Variants in NRAS observed in about 807,000 individuals in gnomAD.
NRAS encodes the protein NRAS proto-oncogene, GTPase, also known as GTPase NRas.
A neutral mutation model predicts 21.3 loss-of-function variants in NRAS; 6 were observed. The ratio of observed to expected loss-of-function variants is 0.28; its 90% CI spans 0.15 to 0.56. The LOEUF (loss-of-function observed/expected upper bound fraction) is 0.56. NRAS is among the 20% of genes least tolerant of loss of function. NRAS has a pLI of 0.93. For missense variants in NRAS, 143 were observed against 231.3 expected (o/e 0.62, Z 2.48); for synonymous variants, 84 against 82.0 (o/e 1.02, Z -0.13).
At chr1:114,711,632 A>G (rs930599769) in intron 3 of NRAS, among the ~76,000 whole-genome samples, 1 of 152,000 alleles carries the variant, frequency 6.6e-6, no homozygotes, top group Non-Finnish European at 1.5e-5. Context: ...ACAAACAAAA[A>G]AAACAAACCT....
intron 5 of NRAS, 144 bp downstream of exon 5, chr1:114,708,387 T>A (rs1183753530): frequency 2.6e-6 from 2 of 777,246 alleles, no homozygotes; most frequent in East Asian, 4.9e-5. Flanking sequence ...CTCAGTACTT[T>A]CAGAAAGGGT....
chr1:114,714,049 C>A, intron 2 of NRAS, 71 bp from the exon 3 acceptor site: 2 of 952,448 alleles, frequency 2.1e-6, no homozygotes, highest in Non-Finnish European at 1.6e-6. Context: ...ACAGGGAATG[C>A]AATGCTATTG....
chr1:114,711,635 A>C (rs1049189529), intron 3 of NRAS, among the ~76,000 whole-genome samples: 3 of 152,156 alleles, frequency 2.0e-5, no homozygotes, highest in African/African-American at 7.2e-5. Flanking sequence ...AACAAAAAAA[A>C]CAAACCTAAA....
rs531475097 is a variant in NRAS at position 114,707,316 on chromosome 1, T to C, written c.*778A>G. The C allele has an allele frequency of 6.5e-6, 1 of 152,714 alleles. No homozygotes were observed. Among genetic ancestry groups the C allele is most frequent in the Non-Finnish European group, 1.5e-5 (1 of 68,026 alleles). 9.5% of individuals were successfully genotyped at this position (152,714 alleles called of 1,614,324 possible). A position where few individuals can be genotyped will look rare whatever the true frequency, so the allele number is the denominator to read the frequency against. The stretch of plus-strand genomic sequence containing the variant: ...GTACAAAATGGCATCTGCTCTCAAA[T>C]AGATATAGCTTTCCTTCAATGGTAG... On this transcript the variant is annotated 3_prime_UTR_variant, in exon 7 of 7. Transcript: ENST00000369535.
chr1:114,714,579 T>C (rs1659114798), intron 2 of NRAS, among the ~76,000 whole-genome samples: 1 of 152,138 alleles, frequency 6.6e-6, no homozygotes, highest in Non-Finnish European at 1.5e-5. Context: ...ATAGATCATA[T>C]AAAAAATACT....
chr1:114,713,736 C>T (rs1262309073), intron 3 of NRAS, 64 bp downstream of exon 3: 20 of 1,397,386 alleles, frequency 1.4e-5, no homozygotes, highest in Non-Finnish European at 2.0e-5. Flanking sequence ...GTGGTAACCT[C>T]ATTTCCCCAT....
At chr1:114,716,498 C>T (rs1014386441) in intron 1 of NRAS, among the ~76,000 whole-genome samples, 160 bp downstream of exon 1, 9 of 152,184 alleles carry the variant, frequency 5.9e-5, no homozygotes, top group African/African-American at 2.2e-4. Flanking sequence ...CCCATTCTCC[C>T]TTCTGTCTCC....
intron 2 of NRAS, among the ~76,000 whole-genome samples, chr1:114,715,038 T>G (rs1659125093): frequency 6.6e-6 from 1 of 152,196 alleles, no homozygotes; most frequent in African/African-American, 2.4e-5. Context: ...ATCTATTTAT[T>G]TATTTTTTGA....
At chr1:114,711,183 G>A (rs1400286860) in intron 3 of NRAS, among the ~76,000 whole-genome samples, 2 of 152,114 alleles carry the variant, frequency 1.3e-5, no homozygotes, top group East Asian at 3.9e-4. Flanking sequence ...ACATGTGCCT[G>A]TGGTTCCAGC....
chr1:114,712,495 G>T (rs574595187), intron 3 of NRAS, among the ~76,000 whole-genome samples: 3 of 152,100 alleles, frequency 2.0e-5, no homozygotes, highest in Admixed American at 6.6e-5. Context: ...GAAGAAAAAT[G>T]ACTTCTAGAA....
At chr1:114,713,298 C>T (rs1470148038) in intron 3 of NRAS, among the ~76,000 whole-genome samples, 3 of 152,146 alleles carry the variant, frequency 2.0e-5, no homozygotes, top group East Asian at 1.9e-4. Context: ...CTCTGCCTCC[C>T]GAGTAGCTGC....
chr1:114,710,084 G>A lies in NRAS; in HGVS notation c.291-356C>T, dbSNP rs192027206. Among the ~76,000 whole-genome samples, 79 of 151,484 alleles carry A rather than the reference G, an allele frequency of 5.2e-4. 1 individual carries two copies. In the East Asian group the frequency reaches 0.012, roughly 24 times the overall value. Reference sequence around the variant, plus strand: ...CAGGCGCCTATAGTCCCAGCTACTCGGGAAGCTGAGGCAGGAGAATCGCTT... The same window carrying A: ...CAGGCGCCTATAGTCCCAGCTACTCAGGAAGCTGAGGCAGGAGAATCGCTT... On this transcript the variant is annotated intron_variant, in intron 3 of 6. Coordinates refer to ENST00000369535, the MANE Select transcript of NRAS (RefSeq NM_002524.5).
Position 114,705,222 on chromosome 1 carries a change from T to C in NRAS, c.*2872A>G, listed in dbSNP as rs1658882845. The stretch of plus-strand genomic sequence containing the variant: ...AGCAGTTTAAAGGATGGTGAAAGAC[T>C]AAACATGGGCCCACTAAAATAGAGA... On this transcript the variant is annotated 3_prime_UTR_variant, in exon 7 of 7. Transcript: ENST00000369535. 6.6e-6 allele frequency: 1 copy of C among 152,206 alleles called. No homozygotes were observed. Among genetic ancestry groups the C allele is most frequent in the Non-Finnish European group, 1.5e-5 (1 of 68,020 alleles). 9.4% of individuals were successfully genotyped at this position (152,206 alleles called of 1,614,324 possible).
In NRAS at chr1:114,711,364, G is replaced by A. The variant is rs182233453; in HGVS notation, c.291-1636C>T. Among the ~76,000 whole-genome samples, 13 of 152,026 alleles carry A rather than the reference G, an allele frequency of 8.6e-5. No homozygotes were observed. In the East Asian group the frequency reaches 2.3e-3, roughly 27 times the overall value. ...TGTAATCCCAGCCCTCTGGGAGGCCGAGGCGGGTGGATCACCTGAGGTCAG... is the reference window on the plus strand; with the variant it reads ...TGTAATCCCAGCCCTCTGGGAGGCCAAGGCGGGTGGATCACCTGAGGTCAG... On this transcript the variant is annotated intron_variant, in intron 3 of 6. Coordinates refer to ENST00000369535, the MANE Select transcript of NRAS (RefSeq NM_002524.5).
chr1:114,707,748 C>G lies in NRAS; in HGVS notation c.*346G>C, dbSNP rs9724642. ...AGACACTGTTTTCAATAGAATTTCA[C>G]GTTTGCGGTTTGGTTCTCTGTTTCA... On this transcript the variant is annotated 3_prime_UTR_variant, in exon 7 of 7. Coordinates refer to ENST00000369535, the MANE Select transcript of NRAS (RefSeq NM_002524.5). The G allele has an allele frequency of 1.3e-5, 2 of 152,470 alleles. No individual in the cohort carries two copies. Among genetic ancestry groups the G allele is most frequent in the African/African-American group, 4.8e-5 (2 of 41,374 alleles). 9.4% of individuals were successfully genotyped at this position (152,470 alleles called of 1,614,324 possible). A position where few individuals can be genotyped will look rare whatever the true frequency, so the allele number is the denominator to read the frequency against.
rs2101738866 is a variant in NRAS, at chr1:114,709,675, C to T, written c.344G>A (p.Gly115Glu). The T allele has an allele frequency of 6.2e-7, 1 of 1,613,272 alleles. No individual in the cohort carries two copies. ...CCTTGTTGGCAAATCACACTTGTTT[C>T]CCACTAGCACCATAGGTACATCATC... ...DSDDVPMVLVGNKCDLPTRTV... is the reference protein window; with the variant it reads ...DSDDVPMVLVENKCDLPTRTV... The change falls in exon 4 of 7, where the codon GGA becomes GAA. Residue 115 changes from glycine (G) to glutamate (E), a missense_variant. By Grantham distance (98) the Gly-to-Glu change is moderately conservative. Coordinates refer to ENST00000369535, the MANE Select transcript of NRAS (RefSeq NM_002524.5).
At chr1:114,716,323 T>C in intron 1 of NRAS, 146 bp from the exon 2 acceptor site, 2 of 687,354 alleles carry the variant, frequency 2.9e-6, no homozygotes, top group South Asian at 1.5e-5. Flanking sequence ...ACCGGATTAA[T>C]ATCGGCCTCA....
chr1:114,713,469 T>C (rs1371128664), intron 3 of NRAS, among the ~76,000 whole-genome samples: 1 of 152,178 alleles, frequency 6.6e-6, no homozygotes, highest in African/African-American at 2.4e-5. Context: ...TGGCCTATCT[T>C]TTCCATTACA....
In NRAS at chr1:114,716,124, C is replaced by A. The variant is rs121434595; in HGVS notation, c.37G>T (p.Gly13Cys). 1 of 1,614,046 alleles carries A rather than the reference C, an allele frequency of 6.2e-7. No individual in the cohort carries two copies. The change falls in exon 2 of 7, where the codon GGT becomes TGT. Residue 13 changes from glycine to cysteine, a missense_variant. Gly to Cys is a radical substitution (Grantham distance 159). Transcript: ENST00000369535. The stretch of plus-strand genomic sequence containing the variant: ...ATTGTCAGTGCGCTTTTCCCAACAC[C>A]ACCTGCTCCAACCACCACCAGTTTG... ...EYKLVVVGAG[G>C]VGKSALTIQL...
Sources: gnomAD v4.1 joint callset for allele counts (sites outside exome capture counted in the v4.1 genomes callset) on GRCh38, gnomAD v4.1.1 for gene constraint, MANE v1.5 for transcripts, NCBI Gene and HGNC (gene_info 2026-07-23, HGNC 2026-07-21) for gene names.